ZNG1A: variants seen among roughly 807,000 people sequenced by gnomAD.
ZNG1A encodes the protein zinc-regulated GTPase metalloprotein activator 1A.
the ZNG1A span, among the ~76,000 whole-genome samples, chr9:140,653 CGCA>C: frequency 6.6e-6 from 1 of 151,966 alleles, no homozygotes; most frequent in African/African-American, 2.4e-5. Flanking sequence ...TCCAAAGGAA[CGCA>C]GCTCCTCACC....
chr9:145,356 T>C, the ZNG1A span, among the ~76,000 whole-genome samples: 1 of 150,578 alleles, frequency 6.6e-6, no homozygotes, highest in Admixed American at 6.6e-5. Flanking sequence ...CACCATGGAA[T>C]ACTATGCAGC....
the ZNG1A span, among the ~76,000 whole-genome samples, chr9:168,810 G>C: frequency 2.0e-5 from 3 of 150,240 alleles, no homozygotes; most frequent in Non-Finnish European, 4.4e-5. Context: ...CTAGATGACA[G>C]CACATCTGTT....
chr9:135,179 T>G, the ZNG1A span: 4 of 1,477,460 alleles, frequency 2.7e-6, no homozygotes, highest in Non-Finnish European at 3.6e-6. Flanking sequence ...GTTCGCAAAT[T>G]CCAATAGAGA....
chr9:150,115 G>GTTT, the ZNG1A span: 1 of 113,214 alleles, frequency 8.8e-6, no homozygotes, highest in African/African-American at 3.5e-5. Flanking sequence ...CCAAATCTCC[G>GTTT]GTTTTGTTTT....
chr9:145,442 G>A, the ZNG1A span, among the ~76,000 whole-genome samples: 31,724 of 149,168 alleles, frequency 0.21, 3,496 homozygotes, highest in Admixed American at 0.25. Context: ...GTAAACTATC[G>A]CAAGAACAAA....
At chr9:130,103 A>C in the ZNG1A span, among the ~76,000 whole-genome samples, 4 of 151,370 alleles carry the variant, frequency 2.6e-5, no homozygotes, top group Non-Finnish European at 5.9e-5. Context: ...AGTCTGACTA[A>C]AACGCTGTTA....
At chr9:148,808 G>A in the ZNG1A span, 1 of 148,610 alleles carries the variant, frequency 6.7e-6, no homozygotes, top group Non-Finnish European at 1.5e-5. Flanking sequence ...ACAGGAGAGT[G>A]AAAATGAAGA....
the ZNG1A span, among the ~76,000 whole-genome samples, chr9:130,859 G>A: frequency 9.3e-6 from 1 of 107,438 alleles, no homozygotes; most frequent in African/African-American, 3.9e-5. Flanking sequence ...GCATCATGGG[G>A]CTCAATAAGG....
At chr9:159,559 C>G in the ZNG1A span, among the ~76,000 whole-genome samples, 1 of 151,902 alleles carries the variant, frequency 6.6e-6, no homozygotes, top group South Asian at 2.1e-4. Flanking sequence ...TCAATTATAC[C>G]TCAATAAAGC....
At chr9:128,929 G>GTAGTGAT in the ZNG1A span, among the ~76,000 whole-genome samples, 5 of 151,776 alleles carry the variant, frequency 3.3e-5, no homozygotes, top group African/African-American at 9.7e-5. Context: ...GAGCTGAGCT[G>GTAGTGAT]TAGTGATTGC....
the ZNG1A span, chr9:161,441 C>G: frequency 2.0e-6 from 1 of 490,608 alleles, no homozygotes. Context: ...GCACTCCAGC[C>G]TGGGCAACAG....
the ZNG1A span, among the ~76,000 whole-genome samples, chr9:138,632 G>C: frequency 0.52 from 69,005 of 132,178 alleles, 19,461 homozygotes; most frequent in African/African-American, 0.72. Context: ...GGTGTGGTGG[G>C]CTACACATGT....
chr9:159,014 G>A, the ZNG1A span, among the ~76,000 whole-genome samples: 1 of 151,884 alleles, frequency 6.6e-6, no homozygotes, highest in African/African-American at 2.4e-5. Context: ...CATTAAGTCA[G>A]ATGACTTTCA....
chr9:135,849 G>A, the ZNG1A span, among the ~76,000 whole-genome samples: 3,457 of 82,402 alleles, frequency 0.042, 9 homozygotes, highest in African/African-American at 0.057. Context: ...ATCCTTCCCA[G>A]CTGGTTGCTC....
the ZNG1A span, among the ~76,000 whole-genome samples, chr9:177,090 G>C: frequency 1.3e-5 from 2 of 152,104 alleles, no homozygotes; most frequent in Admixed American, 1.3e-4. Context: ...CTAGCCAGAG[G>C]AGTCACAGTA....
At chr9:144,448 G>C in the ZNG1A span, among the ~76,000 whole-genome samples, 1 of 151,700 alleles carries the variant, frequency 6.6e-6, no homozygotes. Context: ...AGTGGGGAAA[G>C]GATTCCCTAT....
the ZNG1A span, chr9:147,918 C>CG: frequency 2.7e-5 from 4 of 150,848 alleles, no homozygotes; most frequent in African/African-American, 9.8e-5. Flanking sequence ...CCCAGCTACT[C>CG]GGAGGGTGAA....
chr9:176,426 T>G, the ZNG1A span, among the ~76,000 whole-genome samples: 1 of 149,172 alleles, frequency 6.7e-6, no homozygotes, highest in African/African-American at 2.5e-5. Context: ...ACATTTGGTT[T>G]GTTTCCAGTG....
the ZNG1A span, among the ~76,000 whole-genome samples, chr9:170,392 C>CGT: frequency 9.3e-5 from 13 of 139,338 alleles, no homozygotes; most frequent in East Asian, 3.9e-4. Flanking sequence ...TGTGCATGTG[C>CGT]GTGTGTGTGT....
Sources: allele counts gnomAD v4.1 joint callset (sites outside exome capture counted in the v4.1 genomes callset), GRCh38; gene constraint gnomAD v4.1.1; transcripts MANE v1.5; gene names NCBI Gene and HGNC (gene_info 2026-07-23, HGNC 2026-07-21).